EYS: variants seen among roughly 807,000 people sequenced by gnomAD.
The protein encoded by EYS is EGF-like photoreceptor maintenance factor.
Under a neutral mutation model 282.1 loss-of-function variants are expected in EYS, and 250 were observed. That is an observed-to-expected ratio of 0.89 (90% CI 0.80 to 0.98). EYS has a LOEUF of 0.98. EYS is among the 50% of genes least tolerant of loss of function. The probability of loss-of-function intolerance (pLI) is 0.00; values close to 1 mark genes in which losing one functional copy is unlikely to be tolerated. For synonymous variants in EYS, 1,355 were observed against 1,282.9 expected (o/e 1.06, Z -1.20); for missense variants, 4,016 against 3,709.0 (o/e 1.08, Z -2.15).
chr6:64,716,785 A>T (rs1367262520), intron 22 of EYS, among the ~76,000 whole-genome samples: 1 of 152,012 alleles, frequency 6.6e-6, no homozygotes, highest in Non-Finnish European at 1.5e-5. Flanking sequence ...TCTTTTGAAA[A>T]ACTCCAAAGG....
chr6:65,366,414 A>G (rs913800762), intron 8 of EYS, among the ~76,000 whole-genome samples: 3 of 151,820 alleles, frequency 2.0e-5, no homozygotes, highest in African/African-American at 7.2e-5. Context: ...ATCCACTTGT[A>G]TCAGTTGGTT....
At chr6:65,398,445 C>T (rs758746879) in intron 7 of EYS, among the ~76,000 whole-genome samples, 4 of 151,766 alleles carry the variant, frequency 2.6e-5, no homozygotes, top group East Asian at 1.9e-4. Context: ...AACTAGACCC[C>T]TATCTTTTAC....
chr6:63,817,257 A>G (rs1771202004), intron 36 of EYS, among the ~76,000 whole-genome samples: 1 of 152,222 alleles, frequency 6.6e-6, no homozygotes, highest in African/African-American at 2.4e-5. Context: ...CTAATTATGA[A>G]GGGAGAGCAA....
intron 26 of EYS, among the ~76,000 whole-genome samples, chr6:64,576,689 T>C (rs1402798375): frequency 6.6e-6 from 1 of 152,074 alleles, no homozygotes; most frequent in Non-Finnish European, 1.5e-5. Flanking sequence ...TATTTAAAAA[T>C]AGTTTCTTAT....
intron 1 of EYS, among the ~76,000 whole-genome samples, chr6:65,692,945 C>A (rs1280005130): frequency 6.7e-6 from 1 of 149,872 alleles, no homozygotes; most frequent in African/African-American, 2.4e-5. Flanking sequence ...TTGATCCCTT[C>A]TTTCATATGG....
At chr6:65,394,718 A>T (rs898113535) in intron 7 of EYS, among the ~76,000 whole-genome samples, 1 of 151,876 alleles carries the variant, frequency 6.6e-6, no homozygotes, top group Non-Finnish European at 1.5e-5. Flanking sequence ...GTCATCCCTC[A>T]CTGTGTGGTT....
intron 36 of EYS, among the ~76,000 whole-genome samples, chr6:63,859,839 C>T (rs1023660425): frequency 6.6e-6 from 1 of 152,048 alleles, no homozygotes. Flanking sequence ...GTGGAAATAT[C>T]AACAAGGTAG....
chr6:64,247,240 C>T (rs562852760), intron 30 of EYS, among the ~76,000 whole-genome samples: 4 of 152,172 alleles, frequency 2.6e-5, no homozygotes, highest in Middle Eastern at 6.8e-3. Flanking sequence ...TAGTGAAAGA[C>T]AAGTCAGTAA....
chr6:64,845,300 T>A (rs1765685861), intron 19 of EYS, among the ~76,000 whole-genome samples: 2 of 151,686 alleles, frequency 1.3e-5, no homozygotes, highest in African/African-American at 4.8e-5. Flanking sequence ...AAAAAAAAAA[T>A]TAAAAATAAA....
At chr6:64,418,519 GATCAGATCACATTA>G (rs1774130829) in intron 28 of EYS, among the ~76,000 whole-genome samples, 1 of 152,122 alleles carries the variant, frequency 6.6e-6, no homozygotes, top group Non-Finnish European at 1.5e-5. Context: ...AGACCAGTGT[GATCAGATCACATTA>G]ATATCTACGT....
At chr6:64,505,119 AAGGGTAGAGATAC>A (rs1777170133) in intron 26 of EYS, among the ~76,000 whole-genome samples, 1 of 152,196 alleles carries the variant, frequency 6.6e-6, no homozygotes, top group Non-Finnish European at 1.5e-5. Flanking sequence ...GCAAGAGTCT[AAGGGTAGAGATAC>A]AGAATAATGT....
chr6:65,062,689 A>G (rs1773614491), intron 12 of EYS, among the ~76,000 whole-genome samples: 1 of 151,754 alleles, frequency 6.6e-6, no homozygotes, highest in South Asian at 2.1e-4. Context: ...TACCAAACCC[A>G]TTTTTACCTG....
At position 64,592,702 on chromosome 6, in the gene EYS, A is replaced by G. The variant is rs114722346; in HGVS notation, c.3877+415T>C. Among the ~76,000 whole-genome samples, 384 of 152,274 alleles carry G rather than the reference A, an allele frequency of 2.5e-3. 4 individuals carry two copies. Among genetic ancestry groups the G allele is most frequent in the African/African-American group, 8.5e-3 (355 of 41,560 alleles). ...CCTGAAGTTGTTAAAATAATTCACA[A>G]TAGGAAAATAAGCACATATCTTTTA... is the stretch of plus-strand genomic sequence containing the variant. On this transcript the variant is annotated intron_variant, in intron 25 of 42. Transcript: ENST00000503581.
chr6:65,349,326 CTTTA>C (rs1367632287), intron 9 of EYS, among the ~76,000 whole-genome samples: 5 of 151,376 alleles, frequency 3.3e-5, no homozygotes, highest in South Asian at 2.1e-4. Flanking sequence ...GTACACTTGG[CTTTA>C]TTTGTCTTTT....
intron 31 of EYS, among the ~76,000 whole-genome samples, chr6:64,192,018 A>G (rs2150316998): frequency 6.9e-6 from 1 of 144,264 alleles, no homozygotes; most frequent in East Asian, 2.1e-4. Flanking sequence ...AATGATTGCC[A>G]TTCTAACTGG....
At chr6:65,034,078 G>C (rs1034551011) in intron 13 of EYS, among the ~76,000 whole-genome samples, 1 of 152,176 alleles carries the variant, frequency 6.6e-6, no homozygotes, top group Non-Finnish European at 1.5e-5. Context: ...TTACTTCCCT[G>C]CTGGGTTTTG....
At chr6:64,805,854 T>C (rs1040282798) in intron 22 of EYS, among the ~76,000 whole-genome samples, 25 of 151,522 alleles carry the variant, frequency 1.6e-4, no homozygotes, top group Non-Finnish European at 3.2e-4. Flanking sequence ...GAAATTCTAG[T>C]AATTTTATTT....
At chr6:64,124,107 CTGCTGTAAAAGATGTT>C (rs1249105991) in intron 31 of EYS, among the ~76,000 whole-genome samples, 1 of 152,174 alleles carries the variant, frequency 6.6e-6, no homozygotes, top group Non-Finnish European at 1.5e-5. Context: ...GAAAAGTGTA[CTGCTGTAAAAGATGTT>C]TAAAGCAAGG....
chr6:63,851,555 C>T (rs1392362287), intron 36 of EYS, among the ~76,000 whole-genome samples: 1 of 152,150 alleles, frequency 6.6e-6, no homozygotes, highest in Admixed American at 6.5e-5. Flanking sequence ...AAATGAACAA[C>T]CTGCTCCTGA....
Sources: allele counts gnomAD v4.1 joint callset (sites outside exome capture counted in the v4.1 genomes callset), GRCh38; gene constraint gnomAD v4.1.1; transcripts MANE v1.5; gene names NCBI Gene and HGNC (gene_info 2026-07-23, HGNC 2026-07-21).